Variants in CHL1 observed in about 807,000 individuals in gnomAD.
The protein encoded by CHL1 is cell adhesion molecule L1 like, also known as neural cell adhesion molecule L1-like protein.
A neutral mutation model predicts 141.9 loss-of-function variants in CHL1; 96 were observed. The ratio of observed to expected loss-of-function variants is 0.68; its 90% confidence interval spans 0.57 to 0.80. The LOEUF is 0.80. Ranked by LOEUF, CHL1 falls within the 30% of genes least tolerant of loss-of-function variation. CHL1 has a pLI of 0.00. For missense variants in CHL1, 1,820 were observed against 1,457.2 expected, an observed-to-expected ratio of 1.25 and a Z score of -4.05; for synonymous variants, 613 against 502.2, an observed-to-expected ratio of 1.22 and a Z score of -2.95.
intron 5 of CHL1, 69 bp from the exon 6 acceptor site, chr3:340,725 A>T: frequency 7.8e-7 from 1 of 1,277,246 alleles, no homozygotes; most frequent in Non-Finnish European, 1.1e-6. Flanking sequence ...AAAAGAACAT[A>T]TTAAGATATT....
chr3:217,328 T>A (rs331866), intron 1 of CHL1, among the ~76,000 whole-genome samples: 1 of 152,026 alleles, frequency 6.6e-6, no homozygotes, highest in Non-Finnish European at 1.5e-5. Context: ...CATTTATTCA[T>A]GCATCAAATA....
intron 1 of CHL1, among the ~76,000 whole-genome samples, chr3:214,402 C>T (rs1700141152): frequency 6.6e-6 from 1 of 152,130 alleles, no homozygotes; most frequent in South Asian, 2.1e-4. Context: ...TATGAAATAT[C>T]AGATCTTTTA....
intron 2 of CHL1, among the ~76,000 whole-genome samples, chr3:273,227 C>T (rs767444419): frequency 4.6e-5 from 7 of 152,044 alleles, no homozygotes; most frequent in South Asian, 2.1e-4. Context: ...AGTGAGTGTG[C>T]GATAGCTAGA....
chr3:270,865 C>T (rs763688792), intron 2 of CHL1, among the ~76,000 whole-genome samples: 13 of 152,216 alleles, frequency 8.5e-5, no homozygotes, highest in Non-Finnish European at 1.9e-4. Context: ...AGGGTGCACA[C>T]ATGTGTGACC....
intron 2 of CHL1, among the ~76,000 whole-genome samples, chr3:253,834 T>C (rs1291754642): frequency 6.7e-6 from 1 of 148,192 alleles, no homozygotes; most frequent in Non-Finnish European, 1.5e-5. Flanking sequence ...GTGACACTTT[T>C]CTAAAAGTGC....
At chr3:316,806 T>G (rs1012021408) in intron 2 of CHL1, among the ~76,000 whole-genome samples, 1 of 151,964 alleles carries the variant, frequency 6.6e-6, no homozygotes, top group Non-Finnish European at 1.5e-5. Context: ...AAAAATTAGT[T>G]CTTGTCTTAG....
At chr3:241,185 T>G (rs1330923591) in intron 1 of CHL1, among the ~76,000 whole-genome samples, 3 of 152,184 alleles carry the variant, frequency 2.0e-5, no homozygotes. Context: ...TTACTTATGA[T>G]TTGTTGTCAG....
At chr3:315,766 G>T (rs1037296318) in intron 2 of CHL1, among the ~76,000 whole-genome samples, 1 of 152,074 alleles carries the variant, frequency 6.6e-6, no homozygotes, top group Non-Finnish European at 1.5e-5. Flanking sequence ...TGAAGCGACT[G>T]CATTGTCTGG....
At chr3:251,069 G>A (rs959414979) in intron 2 of CHL1, among the ~76,000 whole-genome samples, 1 of 152,078 alleles carries the variant, frequency 6.6e-6, no homozygotes, top group African/African-American at 2.4e-5. Flanking sequence ...GCTCTAATAA[G>A]CGCCAGAATA....
intron 2 of CHL1, among the ~76,000 whole-genome samples, chr3:292,921 G>C (rs1042828405): frequency 2.0e-5 from 3 of 152,200 alleles, no homozygotes; most frequent in Admixed American, 2.0e-4. Context: ...CAAAATCAGG[G>C]AGTACGTTTC....
At chr3:226,746 C>G (rs1470001480) in intron 1 of CHL1, among the ~76,000 whole-genome samples, 1 of 152,082 alleles carries the variant, frequency 6.6e-6, no homozygotes, top group Non-Finnish European at 1.5e-5. Flanking sequence ...CGCGCCCGAC[C>G]TGTAGTACCT....
intron 15 of CHL1, among the ~76,000 whole-genome samples, chr3:367,004 T>G (rs3773385): frequency 0.31 from 47,171 of 152,160 alleles, 8,508 homozygotes; most frequent in South Asian, 0.45. Flanking sequence ...CAGAGAGTAC[T>G]GAGAAGTACA....
rs1707548208 is a variant in CHL1 at position 385,291 on chromosome 3, CACT to C, written c.2247+1409_2247+1411del. Among the ~76,000 whole-genome samples the C allele has an allele frequency of 1.3e-5, 2 of 152,138 alleles. 1 individual carries two copies. Among genetic ancestry groups the C allele is most frequent in the South Asian group, 4.1e-4 (2 of 4,832 alleles). On this transcript the variant is annotated intron_variant, in intron 19 of 27. Coordinates refer to ENST00000256509, the MANE Select transcript of CHL1 (RefSeq NM_006614.4). Reference sequence around the variant, plus strand: ...CCAGTAACATTAGCTCATTAATCCTCACTACTCCTTTGGGAGGGCTGTGGTCCA... The same window carrying C: ...CCAGTAACATTAGCTCATTAATCCTCACTCCTTTGGGAGGGCTGTGGTCCA...
chr3:293,672 C>A (rs1031162322), intron 2 of CHL1, among the ~76,000 whole-genome samples: 1 of 152,212 alleles, frequency 6.6e-6, no homozygotes, highest in Non-Finnish European at 1.5e-5. Flanking sequence ...TTTCCTGCAA[C>A]TTTCACTTTT....
chr3:404,359 A>G (rs1364837851), intron 27 of CHL1, among the ~76,000 whole-genome samples: 1 of 152,186 alleles, frequency 6.6e-6, no homozygotes, highest in Non-Finnish European at 1.5e-5. Context: ...ATAAAGTGAT[A>G]TGTACATCCA....
intron 24 of CHL1, among the ~76,000 whole-genome samples, chr3:395,830 G>A (rs796081338): frequency 4.6e-5 from 7 of 152,234 alleles, no homozygotes; most frequent in African/African-American, 1.4e-4. Flanking sequence ...TTAGAAAAAC[G>A]GTAGAATCAA....
chr3:310,390 G>A (rs547045288), intron 2 of CHL1, among the ~76,000 whole-genome samples: 2 of 152,274 alleles, frequency 1.3e-5, no homozygotes, highest in African/African-American at 4.8e-5. Flanking sequence ...CACCACTGCT[G>A]TTATCAGTCT....
intron 2 of CHL1, among the ~76,000 whole-genome samples, chr3:289,428 T>C (rs1406549004): frequency 6.7e-6 from 1 of 148,504 alleles, no homozygotes; most frequent in African/African-American, 2.6e-5. Context: ...TTGCCATTAA[T>C]AATTCACAAT....
chr3:348,602 TG>T (rs1436667978), intron 9 of CHL1, among the ~76,000 whole-genome samples: 1 of 152,170 alleles, frequency 6.6e-6, no homozygotes, highest in Non-Finnish European at 1.5e-5. Flanking sequence ...CTTACTAAGG[TG>T]GGGAAAGTTA....
Sources: gnomAD v4.1 joint callset for allele counts (sites outside exome capture counted in the v4.1 genomes callset) on GRCh38, gnomAD v4.1.1 for gene constraint, MANE v1.5 for transcripts, NCBI Gene and HGNC (gene_info 2026-07-23, HGNC 2026-07-21) for gene names.